The following FCHSD1 variants were observed in gnomAD, a reference collection of about 807,000 sequenced individuals.
FCHSD1 encodes FCH and double SH3 domains 1, also known as F-BAR and double SH3 domains protein 1.
FCHSD1 carries 109 observed loss-of-function variants against 101.3 expected under a neutral mutation model. The observed-to-expected ratio is 1.08, with a 90% CI of 0.92 to 1.26. The LOEUF is 1.26. Ranked by LOEUF, FCHSD1 falls within the 50% of genes most tolerant of loss-of-function variation. FCHSD1 has a pLI of 0.00. For missense variants in FCHSD1, 820 were observed against 895.8 expected (o/e 0.92, Z 1.08); for synonymous variants, 291 against 356.8 (o/e 0.82, Z 2.08).
rs765723400 is a variant in FCHSD1 at position 141,646,606 on chromosome 5, A to C, written c.1041T>G (p.His347Gln). Residue 347 changes from histidine (H) to glutamine (Q), a missense_variant, in exon 11 of 20, where the codon CAT becomes CAG. Transcript: ENST00000435817. ...CACCTGTGCCCCCCCACCTCACCCG[A>C]TGCCCATGGTTCTGGATCTTGTAGT... is the stretch of plus-strand genomic sequence containing the variant. ...ARDYKIQNHG[H>Q]RVLQRLEQRR... The C allele has an allele frequency of 1.2e-6, 2 of 1,612,012 alleles. No individual in the cohort carries two copies. Among genetic ancestry groups the C allele is most frequent in the Admixed American group, 3.3e-5 (2 of 59,782 alleles).
At chr5:141,651,204 G>T (rs2099908359) in intron 1 of FCHSD1, 87 bp from the exon 2 acceptor site, 28 of 1,489,136 alleles carry the variant, frequency 1.9e-5, no homozygotes, top group Non-Finnish European at 2.5e-5. Flanking sequence ...CGGGGCCGGG[G>T]GGGTGCTGAG....
chr5:141,647,746 G>T, intron 8 of FCHSD1: 1 of 944,396 alleles, frequency 1.1e-6, no homozygotes, highest in Non-Finnish European at 1.5e-6. Flanking sequence ...GCAGAGAAAG[G>T]GTTATCCCTG....
At position 141,640,146 on chromosome 5, in the gene FCHSD1, G is replaced by T. The variant is rs747731609; in HGVS notation, c.*1352C>A. 6.2e-7 allele frequency: 1 copy of T among 1,614,030 alleles called. No homozygotes were observed. Among genetic ancestry groups the T allele is most frequent in the African/African-American group, 1.3e-5 (1 of 74,912 alleles). ...CCCAGTACAGAATGGAGGACTCAGG[G>T]ACAGCAGCCTAACCCCTCGTGCACT... On this transcript the variant is annotated 3_prime_UTR_variant, in exon 20 of 20. Transcript: ENST00000435817.
chr5:141,642,282 A>C (rs1165743182), intron 18 of FCHSD1: 9 of 581,306 alleles, frequency 1.5e-5, no homozygotes, highest in Non-Finnish European at 2.4e-5. Flanking sequence ...TCTCACTTAT[A>C]AGTGGGAGCT....
chr5:141,650,846 G>C (rs2099908289), intron 2 of FCHSD1, among the ~76,000 whole-genome samples, 174 bp downstream of exon 2: 1 of 151,562 alleles, frequency 6.6e-6, no homozygotes, highest in Non-Finnish European at 1.5e-5. Flanking sequence ...GAGGGGTTAG[G>C]TGGGGGAGCA....
At chr5:141,646,358 A>T in intron 11 of FCHSD1, 167 bp from the exon 12 acceptor site, 2 of 916,094 alleles carry the variant, frequency 2.2e-6, no homozygotes, top group Non-Finnish European at 3.4e-6. Flanking sequence ...ATTGAAGTCC[A>T]GAGAGGTTAA....
At position 141,649,978 on chromosome 5, in the gene FCHSD1, C is replaced by G. The variant is rs1260368038; in HGVS notation, c.166-24G>C. 18 of 1,527,206 alleles carry G rather than the reference C, an allele frequency of 1.2e-5. No individual in the cohort carries two copies. The highest frequency in any genetic ancestry group is 1.5e-5 in the Non-Finnish European group (17 of 1,139,088). 94.6% of individuals were successfully genotyped at this position (1,527,206 alleles called of 1,614,324 possible). A position where few individuals can be genotyped will look rare whatever the true frequency, so the allele number is the denominator to read the frequency against. ...GCCTGGTGAAAAAGCCATCACAGAA[C>G]CAAGTTCCCTTTCAAAGACCCACCC... is the stretch of plus-strand genomic sequence containing the variant. On this transcript the variant is annotated intron_variant, in intron 3 of 19. Transcript: ENST00000435817. This position sits in a 1 kb window ranked among gnomAD's most constrained non-coding sequence, Gnocchi z 4.1.
At position 141,640,445 on chromosome 5, in the gene FCHSD1, G is replaced by T; in HGVS notation, c.*1053C>A. Reference sequence around the variant, plus strand: ...ACCACAGGGAGCAGGGAGTATGTGAGGTGAGTCTGCCTGAGCCCTAAATGA... The same window carrying T: ...ACCACAGGGAGCAGGGAGTATGTGATGTGAGTCTGCCTGAGCCCTAAATGA... On this transcript the variant is annotated 3_prime_UTR_variant, in exon 20 of 20. Coordinates refer to ENST00000435817, the MANE Select transcript of FCHSD1 (RefSeq NM_033449.3). 1 of 1,614,168 alleles carries T rather than the reference G, an allele frequency of 6.2e-7. No homozygotes were observed. Among genetic ancestry groups the T allele is most frequent in the African/African-American group, 1.3e-5 (1 of 75,046 alleles).
Position 141,649,283 on chromosome 5 carries a change from T to C in FCHSD1, c.401A>G (p.Gln134Arg). The part of the protein sequence containing the change: ...RKGTENLQRA[Q>R]AEVLQSVREL... ...CCGGACAGACTGCAGCACCTCAGCCTGCGCCCTCTGGAGGTTCTCTGTTCC... is the reference window on the plus strand; with the variant it reads ...CCGGACAGACTGCAGCACCTCAGCCCGCGCCCTCTGGAGGTTCTCTGTTCC... Residue 134 changes from glutamine (Q) to arginine (R), a missense_variant, in exon 6 of 20, where the codon CAG becomes CGG. Gln to Arg is a conservative substitution (Grantham distance 43). Coordinates refer to ENST00000435817, the MANE Select transcript of FCHSD1 (RefSeq NM_033449.3). This position sits in a 1 kb window ranked among gnomAD's most constrained non-coding sequence, Gnocchi z 4.1. 1.2e-6 allele frequency: 2 copies of C among 1,613,998 alleles called. No individual in the cohort carries two copies. The highest frequency in any genetic ancestry group is 1.1e-5 in the South Asian group (1 of 91,084).
Position 141,645,726 on chromosome 5 carries a change from T to A in FCHSD1, c.1311+45A>T, listed in dbSNP as rs772204598. 13 of 1,569,980 alleles carry A rather than the reference T, an allele frequency of 8.3e-6. No individual in the cohort carries two copies. The Admixed American group carries it at 1.9e-4, about 23-fold the overall frequency. On this transcript the variant is annotated intron_variant, in intron 13 of 19. Transcript: ENST00000435817. ...ATAGGGTTTGCCTTCCACTGGAGTT[T>A]TTCCCTTCTAAGTAAGGATGGGTAG...
At position 141,640,583 on chromosome 5, in the gene FCHSD1, G is replaced by A. The variant is rs1467164617; in HGVS notation, c.*915C>T. 4 of 1,549,802 alleles carry A rather than the reference G, an allele frequency of 2.6e-6. No homozygotes were observed. The highest frequency in any genetic ancestry group is 2.4e-5 in the East Asian group (1 of 41,228). The stretch of plus-strand genomic sequence containing the variant: ...GCTATAAATCCCTTGGTTTGGTGGT[G>A]GAGGTAGGGAAGGTCCTGGAGCCCC... On this transcript the variant is annotated 3_prime_UTR_variant, in exon 20 of 20. Coordinates refer to ENST00000435817, the MANE Select transcript of FCHSD1 (RefSeq NM_033449.3).
chr5:141,647,028 C>T (rs2099907753), intron 10 of FCHSD1, 107 bp downstream of exon 10: 1 of 1,127,056 alleles, frequency 8.9e-7, no homozygotes, highest in Non-Finnish European at 1.3e-6. Context: ...AACCCCCTCT[C>T]CACGGTGTAC....
intron 17 of FCHSD1, among the ~76,000 whole-genome samples, chr5:141,643,848 CA>C (rs56206715): frequency 2.2e-3 from 279 of 124,818 alleles, no homozygotes; most frequent in East Asian, 2.2e-3. Context: ...AACTCTGTCT[CA>C]AAAAAAAAAA....
intron 11 of FCHSD1, 108 bp downstream of exon 11, chr5:141,646,495 C>T: frequency 1.1e-5 from 16 of 1,457,300 alleles, no homozygotes; most frequent in Non-Finnish European, 1.5e-5. Flanking sequence ...ATACCTTTCC[C>T]TCCCCTCTGT....
Position 141,649,374 on chromosome 5 carries a change from A to AC in FCHSD1, c.375+20dup. On this transcript the variant is annotated intron_variant, in intron 5 of 19. Coordinates refer to ENST00000435817, the MANE Select transcript of FCHSD1 (RefSeq NM_033449.3). This position sits in a 1 kb window ranked among gnomAD's most constrained non-coding sequence, Gnocchi z 4.1. Reference sequence around the variant, plus strand: ...TTGGTCCCAAGCCAGCTCTTCCTTCACCCCAACCTCTGAGCCATACCTTCC... The same window carrying AC: ...TTGGTCCCAAGCCAGCTCTTCCTTCACCCCCAACCTCTGAGCCATACCTTCC... 6.2e-7 allele frequency: 1 copy of AC among 1,613,312 alleles called. No homozygotes were observed.
intron 17 of FCHSD1, 133 bp from the exon 18 acceptor site, chr5:141,643,221 G>GGGGGT: frequency 1.6e-6 from 1 of 608,052 alleles, no homozygotes; most frequent in Non-Finnish European, 2.7e-6. Context: ...GCATTCGGTG[G>GGGGGT]GGGGGTGTAG....
chr5:141,646,332 C>T (rs1336252314), intron 11 of FCHSD1, 141 bp from the exon 12 acceptor site: 9 of 971,716 alleles, frequency 9.3e-6, no homozygotes, highest in Non-Finnish European at 1.4e-5. Context: ...ATTGGCCCTA[C>T]TTTAGTGATG....
chr5:141,646,197 T>G lies in FCHSD1; in HGVS notation c.1045-6A>C. ...TGCTCCAGTCGTTGCAGTACCTGGTTGGGAAGGCAGAGAACAGGGGTGGGT... is the reference window on the plus strand; with the variant it reads ...TGCTCCAGTCGTTGCAGTACCTGGTGGGGAAGGCAGAGAACAGGGGTGGGT... On this transcript the variant is annotated splice_polypyrimidine_tract_variant and splice_region_variant and intron_variant, in intron 11 of 19. Coordinates refer to ENST00000435817, the MANE Select transcript of FCHSD1 (RefSeq NM_033449.3). 6.3e-7 allele frequency: 1 copy of G among 1,596,662 alleles called. No homozygotes were observed. The highest frequency in any genetic ancestry group is 2.3e-5 in the East Asian group (1 of 44,298).
Position 141,644,697 on chromosome 5 carries a change from A to G in FCHSD1, c.1525-7T>C, listed in dbSNP as rs2099907436. The G allele has an allele frequency of 6.2e-7, 1 of 1,613,866 alleles. No homozygotes were observed. The highest frequency in any genetic ancestry group is 8.5e-7 in the Non-Finnish European group (1 of 1,179,798). Reference sequence around the variant, plus strand: ...CGCCGTGCTGGTTCCGAGCCTGCTCACCCAGCAATGTGAACAGATATTAGA... The same window carrying G: ...CGCCGTGCTGGTTCCGAGCCTGCTCGCCCAGCAATGTGAACAGATATTAGA... On this transcript the variant is annotated splice_polypyrimidine_tract_variant and splice_region_variant and intron_variant, in intron 15 of 19. Transcript: ENST00000435817.
Sources: allele counts gnomAD v4.1 joint callset (sites outside exome capture counted in the v4.1 genomes callset), GRCh38; gene constraint gnomAD v4.1.1; non-coding constraint Gnocchi (gnomAD v3.1); transcripts MANE v1.5; gene names NCBI Gene and HGNC (gene_info 2026-07-23, HGNC 2026-07-21).